The following CENPP variants were observed in gnomAD, a reference collection of about 807,000 sequenced individuals.
CENPP encodes the protein centromere protein P.
Under a neutral mutation model 35.6 loss-of-function variants are expected in CENPP, and 24 were observed. That is an observed-to-expected ratio of 0.67 (90% CI 0.49 to 0.95). The LOEUF is 0.95. CENPP is among the 40% of genes least tolerant of loss of function. The probability of loss-of-function intolerance (pLI) is 0.00; values close to 1 mark genes in which losing one functional copy is unlikely to be tolerated. For synonymous variants in CENPP, 120 were observed against 125.5 expected, an observed-to-expected ratio of 0.96 and a Z score of 0.29; for missense variants, 332 against 345.3, an observed-to-expected ratio of 0.96 and a Z score of 0.31.
chr9:92,349,338 A>G (rs1841384012), intron 4 of CENPP, among the ~76,000 whole-genome samples: 1 of 150,924 alleles, frequency 6.6e-6, no homozygotes, highest in South Asian at 2.1e-4. Context: ...TTATTCATTT[A>G]CCCATTGAAG....
At chr9:92,358,221 C>T (rs1371452601) in intron 4 of CENPP, among the ~76,000 whole-genome samples, 4 of 151,388 alleles carry the variant, frequency 2.6e-5, no homozygotes, top group Non-Finnish European at 5.9e-5. Flanking sequence ...TTGACATGTC[C>T]CCATGTCCCA....
intron 5 of CENPP, chr9:92,611,092 G>A: frequency 1.7e-6 from 1 of 601,990 alleles, no homozygotes; most frequent in Non-Finnish European, 3.0e-6. Flanking sequence ...TGTTCATGAT[G>A]GGGAAGCAGC....
At chr9:92,416,370 G>T (rs1032237151) in intron 5 of CENPP, among the ~76,000 whole-genome samples, 1 of 151,904 alleles carries the variant, frequency 6.6e-6, no homozygotes, top group South Asian at 2.1e-4. Context: ...CTCCCAAAGT[G>T]CTCTGATTAC....
chr9:92,579,540 G>A (rs1164272871), intron 5 of CENPP, among the ~76,000 whole-genome samples: 1 of 152,060 alleles, frequency 6.6e-6, no homozygotes, highest in Non-Finnish European at 1.5e-5. Context: ...TGGATTCCAA[G>A]GTATTTTATT....
At chr9:92,488,919 A>G (rs2131117440) in intron 5 of CENPP, among the ~76,000 whole-genome samples, 1 of 152,348 alleles carries the variant, frequency 6.6e-6, no homozygotes, top group African/African-American at 2.4e-5. Context: ...GTGGATTCAC[A>G]TTCTTCACAT....
intron 5 of CENPP, among the ~76,000 whole-genome samples, chr9:92,416,050 A>G (rs1281527111): frequency 0.033 from 3,002 of 91,880 alleles, 57 homozygotes; most frequent in South Asian, 0.11. Flanking sequence ...AATATATTAT[A>G]TATGTGTGTA....
At chr9:92,411,118 G>A (rs539020320) in intron 5 of CENPP, among the ~76,000 whole-genome samples, 8 of 151,774 alleles carry the variant, frequency 5.3e-5, no homozygotes, top group Non-Finnish European at 7.4e-5. Flanking sequence ...GACTACAGGC[G>A]CCTGCCACCA....
intron 5 of CENPP, chr9:92,493,991 G>C: frequency 7.5e-7 from 1 of 1,325,014 alleles, no homozygotes; most frequent in Non-Finnish European, 1.1e-6. Context: ...GCGGCCCTCA[G>C]GCCCCAGTGT....
intron 5 of CENPP, among the ~76,000 whole-genome samples, chr9:92,406,163 C>G (rs536304259): frequency 6.6e-6 from 1 of 152,100 alleles, no homozygotes; most frequent in South Asian, 2.1e-4. Context: ...GGGATCATCA[C>G]GTGCTCCCCT....
chr9:92,454,720 C>G (rs927329266), intron 5 of CENPP, among the ~76,000 whole-genome samples: 2 of 152,064 alleles, frequency 1.3e-5, no homozygotes, highest in African/African-American at 4.8e-5. Context: ...CAACCTTGTT[C>G]AGTGTTGTCA....
At chr9:92,509,075 C>A (rs1188727169) in intron 5 of CENPP, among the ~76,000 whole-genome samples, 1 of 151,606 alleles carries the variant, frequency 6.6e-6, no homozygotes, top group Non-Finnish European at 1.5e-5. Context: ...ACAACTTCAG[C>A]TGTCTAGCAC....
chr9:92,390,855 A>G (rs574438617), intron 5 of CENPP, among the ~76,000 whole-genome samples: 128 of 152,306 alleles, frequency 8.4e-4, no homozygotes, highest in African/African-American at 2.9e-3. Context: ...ATATTGCACT[A>G]TAACTCATGC....
At chr9:92,473,354 C>T (rs1845596724) in intron 5 of CENPP, among the ~76,000 whole-genome samples, 1 of 152,184 alleles carries the variant, frequency 6.6e-6, no homozygotes, top group African/African-American at 2.4e-5. Flanking sequence ...ACCCAGTTTA[C>T]ATCTGGTGGA....
At chr9:92,540,380 G>A (rs1272611118) in intron 5 of CENPP, among the ~76,000 whole-genome samples, 1 of 151,172 alleles carries the variant, frequency 6.6e-6, no homozygotes, top group Non-Finnish European at 1.5e-5. Flanking sequence ...AAAGGTCGCA[G>A]TGAGTCGAGA....
At chr9:92,423,147 G>A (rs1366993277) in intron 5 of CENPP, among the ~76,000 whole-genome samples, 1 of 152,098 alleles carries the variant, frequency 6.6e-6, no homozygotes, top group Admixed American at 6.6e-5. Flanking sequence ...GAGCTTGACT[G>A]TTCCTTTTTC....
intron 5 of CENPP, chr9:92,386,168 T>C: frequency 1.4e-6 from 2 of 1,446,142 alleles, no homozygotes; most frequent in Non-Finnish European, 1.9e-6. Flanking sequence ...CATAGGTAAT[T>C]AGAGTCAGAT....
intron 5 of CENPP, among the ~76,000 whole-genome samples, chr9:92,559,962 A>G (rs1348263938): frequency 6.6e-6 from 1 of 152,200 alleles, no homozygotes; most frequent in Non-Finnish European, 1.5e-5. Context: ...CAACAAAGCA[A>G]GACCCCATCT....
chr9:92,613,226 A>C lies in CENPP; in HGVS notation c.*77A>C. Reference sequence around the variant, plus strand: ...ATTTTATTCAATATAAACATTTGCTATTTTCTGCTTAGAAACCACACCCTG... The same window carrying C: ...ATTTTATTCAATATAAACATTTGCTCTTTTCTGCTTAGAAACCACACCCTG... On this transcript the variant is annotated 3_prime_UTR_variant, in exon 8 of 8. Coordinates refer to ENST00000375587, the MANE Select transcript of CENPP (RefSeq NM_001012267.3). The C allele has an allele frequency of 6.3e-7, 1 of 1,581,428 alleles. No individual in the cohort carries two copies. Among genetic ancestry groups the C allele is most frequent in the Non-Finnish European group, 8.7e-7 (1 of 1,152,884 alleles).
chr9:92,420,112 C>T (rs1282828265), intron 5 of CENPP, among the ~76,000 whole-genome samples: 1 of 152,270 alleles, frequency 6.6e-6, no homozygotes. Context: ...CCCATGCACC[C>T]GCATCCTGGG....
Sources: allele counts gnomAD v4.1 joint callset (sites outside exome capture counted in the v4.1 genomes callset), GRCh38; gene constraint gnomAD v4.1.1; transcripts MANE v1.5; gene names NCBI Gene and HGNC (gene_info 2026-07-23, HGNC 2026-07-21).